The following ELP4 variants were observed in gnomAD, a reference collection of about 807,000 sequenced individuals.
ELP4 encodes elongator acetyltransferase complex subunit 4, also known as elongator complex protein 4.
ELP4 carries 51 observed loss-of-function variants against 48.9 expected under a neutral mutation model. The observed-to-expected ratio is 1.04, with a 90% confidence interval of 0.83 to 1.32. The LOEUF is 1.32. ELP4 is among the 40% of genes most tolerant of loss of function. The pLI is 0.00. For missense variants in ELP4, 519 were observed against 514.6 expected (o/e 1.01, Z -0.08); for synonymous variants, 210 against 189.2 (o/e 1.11, Z -0.90).
At chr11:31,555,327 A>G (rs1235221893) in intron 3 of ELP4, among the ~76,000 whole-genome samples, 2 of 151,968 alleles carry the variant, frequency 1.3e-5, no homozygotes, top group Non-Finnish European at 2.9e-5. Flanking sequence ...TTGAATTTTG[A>G]TTATGTTTTC....
At chr11:31,667,790 G>A (rs1444713853) in intron 9 of ELP4, among the ~76,000 whole-genome samples, 1 of 152,098 alleles carries the variant, frequency 6.6e-6, no homozygotes, top group East Asian at 1.9e-4. Context: ...TATGCCAAAA[G>A]CAGTTAAATG....
chr11:31,697,484 A>G (rs1469381286), intron 9 of ELP4, among the ~76,000 whole-genome samples: 1 of 152,106 alleles, frequency 6.6e-6, no homozygotes, highest in Non-Finnish European at 1.5e-5. Flanking sequence ...TCTTACTAAA[A>G]TTCTAGGTCC....
intron 9 of ELP4, among the ~76,000 whole-genome samples, chr11:31,715,331 G>A (rs536702692): frequency 7.0e-4 from 107 of 151,858 alleles, no homozygotes; most frequent in Non-Finnish European, 1.4e-3. Flanking sequence ...TCTATGTGGC[G>A]GACACTATAA....
chr11:31,648,030 A>T (rs1019645656), intron 8 of ELP4, 181 bp downstream of exon 8: 1 of 456,718 alleles, frequency 2.2e-6, no homozygotes, highest in Non-Finnish European at 4.0e-6. Context: ...CATTAAGACT[A>T]TAGACTATAA....
intron 9 of ELP4, chr11:31,654,769 T>G (rs1189020777): frequency 2.0e-5 from 3 of 151,880 alleles, no homozygotes; most frequent in African/African-American, 7.2e-5. Context: ...TCAGCAGCCT[T>G]TCTAGTTTTT....
chr11:31,638,169 A>C (rs1303806970), intron 7 of ELP4, among the ~76,000 whole-genome samples: 4 of 151,880 alleles, frequency 2.6e-5, no homozygotes, highest in African/African-American at 9.7e-5. Context: ...ACTTTTAAGG[A>C]ATTTTAAAAT....
In ELP4 at chr11:31,757,604, A is replaced by G. The variant is rs555513911; in HGVS notation, c.1144-25789A>G. ...GTTAATAAGCTCTTGGGGTTATTCA[A>G]TATCCCTCTTCAATGCTCATTTTCT... On this transcript the variant is annotated intron_variant, in intron 9 of 9. Coordinates refer to ENST00000640961, the MANE Select transcript of ELP4 (RefSeq NM_019040.5). Among the ~76,000 whole-genome samples the G allele has an allele frequency of 3.3e-5, 5 of 152,292 alleles. No homozygotes were observed. In the South Asian group the frequency reaches 8.3e-4, roughly 25 times the overall value.
intron 1 of ELP4, among the ~76,000 whole-genome samples, chr11:31,516,841 CT>C (rs1360332069): frequency 6.6e-6 from 1 of 152,128 alleles, no homozygotes; most frequent in Non-Finnish European, 1.5e-5. Flanking sequence ...TTATGTTTAT[CT>C]TTTCATCTGA....
chr11:31,534,758 A>G lies in ELP4; in HGVS notation c.260-4904A>G, dbSNP rs554302883. On this transcript the variant is annotated intron_variant, in intron 2 of 9. Transcript: ENST00000640961. ...TCAATCTTAGAAATTAAAAATTTTA[A>G]TGTCAGGTTTGTTTCTTATATCGAT... Among the ~76,000 whole-genome samples, 284 of 152,352 alleles carry G rather than the reference A, an allele frequency of 1.9e-3. 1 individual carries two copies. The highest frequency in any genetic ancestry group is 3.1e-3 in the Non-Finnish European group (211 of 68,034).
chr11:31,688,081 G>A (rs1946200258), intron 9 of ELP4, among the ~76,000 whole-genome samples: 1 of 152,178 alleles, frequency 6.6e-6, no homozygotes, highest in African/African-American at 2.4e-5. Context: ...TGAGTCTGGA[G>A]CAAGAGGTTA....
intron 9 of ELP4, chr11:31,650,758 A>AAGT (rs1223836137): frequency 3.9e-5 from 6 of 151,932 alleles, no homozygotes; most frequent in African/African-American, 1.4e-4. Flanking sequence ...TGGTGACAGA[A>AAGT]AGTAGTAGGA....
At chr11:31,568,065 A>G (rs532596800) in intron 3 of ELP4, among the ~76,000 whole-genome samples, 3 of 152,334 alleles carry the variant, frequency 2.0e-5, no homozygotes, top group Non-Finnish European at 2.9e-5. Context: ...ATGGGAGTCA[A>G]CTGCCGAAAA....
At chr11:31,517,029 A>T (rs976584371) in intron 1 of ELP4, among the ~76,000 whole-genome samples, 5 of 152,152 alleles carry the variant, frequency 3.3e-5, no homozygotes, top group Non-Finnish European at 1.5e-5. Context: ...TGTTCTACAT[A>T]TTGTCATGAA....
chr11:31,558,540 C>T (rs897658625), intron 3 of ELP4, among the ~76,000 whole-genome samples: 3 of 152,040 alleles, frequency 2.0e-5, no homozygotes, highest in South Asian at 2.1e-4. Flanking sequence ...TGTGATAGGA[C>T]GTTTATTCTC....
At chr11:31,575,593 C>T (rs969405481) in intron 3 of ELP4, among the ~76,000 whole-genome samples, 16 of 152,160 alleles carry the variant, frequency 1.1e-4, no homozygotes, top group African/African-American at 2.2e-4. Context: ...GCTGATCTCT[C>T]GGCAGACATT....
chr11:31,638,968 A>G (rs1307030854), intron 7 of ELP4, among the ~76,000 whole-genome samples: 6 of 151,870 alleles, frequency 4.0e-5, no homozygotes, highest in African/African-American at 2.4e-5. Flanking sequence ...TTTTGGGAAA[A>G]TATTTTTTAT....
chr11:31,608,614 C>G (rs745478832), intron 5 of ELP4, among the ~76,000 whole-genome samples: 1 of 151,582 alleles, frequency 6.6e-6, no homozygotes, highest in Non-Finnish European at 1.5e-5. Context: ...AGGGGCCGTA[C>G]TAGCAGAGAG....
intron 3 of ELP4, among the ~76,000 whole-genome samples, chr11:31,588,930 C>T (rs1172519449): frequency 1.3e-5 from 2 of 152,120 alleles, no homozygotes; most frequent in Non-Finnish European, 2.9e-5. Context: ...TTGCAGTGAG[C>T]CAAGATCACG....
chr11:31,588,312 G>A (rs1429345791), intron 3 of ELP4, among the ~76,000 whole-genome samples: 1 of 152,088 alleles, frequency 6.6e-6, no homozygotes, highest in Non-Finnish European at 1.5e-5. Context: ...TTATTCAGGA[G>A]TAGTTGGTAG....
Sources: allele counts gnomAD v4.1 joint callset (sites outside exome capture counted in the v4.1 genomes callset), GRCh38; gene constraint gnomAD v4.1.1; transcripts MANE v1.5; gene names NCBI Gene and HGNC (gene_info 2026-07-23, HGNC 2026-07-21).